Variants in PRKAG2 observed in about 807,000 individuals in gnomAD.
The protein encoded by PRKAG2 is protein kinase AMP-activated non-catalytic subunit gamma 2.
In PRKAG2, 26 loss-of-function variants were observed where a neutral mutation model predicts 69.6. The ratio of observed to expected loss-of-function variants is 0.37; its 90% CI spans 0.27 to 0.52. The LOEUF (loss-of-function observed/expected upper bound fraction) is 0.52. Ranked by LOEUF, PRKAG2 falls within the 20% of genes least tolerant of loss-of-function variation. The pLI, the probability that PRKAG2 is intolerant of heterozygous loss-of-function variation, is 0.90. For synonymous variants in PRKAG2, 293 were observed against 285.0 expected, an observed-to-expected ratio of 1.03 and a Z score of -0.28; for missense variants, 557 against 740.0, an observed-to-expected ratio of 0.75 and a Z score of 2.87.
At chr7:151,838,706 C>CA (rs57382424) in intron 1 of PRKAG2, among the ~76,000 whole-genome samples, 3,109 of 92,156 alleles carry the variant, frequency 0.034, 106 homozygotes, top group African/African-American at 0.11. Context: ...GACCCTGTTT[C>CA]AAAAAAAAAA....
chr7:151,794,714 G>T (rs926649732), intron 1 of PRKAG2, among the ~76,000 whole-genome samples: 3 of 152,258 alleles, frequency 2.0e-5, no homozygotes, highest in Non-Finnish European at 4.4e-5. Flanking sequence ...TATAATTAGA[G>T]AGCTGTCTTT....
intron 1 of PRKAG2, among the ~76,000 whole-genome samples, chr7:151,849,689 C>G (rs1160278237): frequency 6.6e-6 from 1 of 152,128 alleles, no homozygotes; most frequent in African/African-American, 2.4e-5. Flanking sequence ...CCTGGGGATC[C>G]TTGGTAGCCA....
chr7:151,744,379 G>C (rs1055922161), intron 3 of PRKAG2, among the ~76,000 whole-genome samples: 1 of 152,078 alleles, frequency 6.6e-6, no homozygotes, highest in African/African-American at 2.4e-5. Flanking sequence ...CTGGGTCTCC[G>C]TTGTAGACAC....
At chr7:151,696,686 T>C (rs904576827) in intron 3 of PRKAG2, among the ~76,000 whole-genome samples, 2 of 152,236 alleles carry the variant, frequency 1.3e-5, no homozygotes, top group African/African-American at 4.8e-5. Flanking sequence ...TTGAAGCCCC[T>C]GTCTGAAAAG....
At chr7:151,770,655 T>C (rs1368418909) in intron 3 of PRKAG2, among the ~76,000 whole-genome samples, 1 of 152,088 alleles carries the variant, frequency 6.6e-6, no homozygotes, top group Non-Finnish European at 1.5e-5. Flanking sequence ...CTGGGAGGAG[T>C]GAGGGCTCTG....
At chr7:151,603,513 A>C (rs2727571) in intron 5 of PRKAG2, among the ~76,000 whole-genome samples, 4 of 89,326 alleles carry the variant, frequency 4.5e-5, no homozygotes, top group South Asian at 5.0e-4. Flanking sequence ...ACGGAGGGAC[A>C]CGCTCCGTCC....
At chr7:151,582,578 C>T (rs1307336039) in intron 6 of PRKAG2, among the ~76,000 whole-genome samples, 5 of 152,190 alleles carry the variant, frequency 3.3e-5, no homozygotes, top group Non-Finnish European at 5.9e-5. Flanking sequence ...CCAAGGCTCA[C>T]GGAAGCACGT....
At chr7:151,566,223 T>A (rs923036855) in intron 11 of PRKAG2, among the ~76,000 whole-genome samples, 2 of 152,252 alleles carry the variant, frequency 1.3e-5, no homozygotes, top group Non-Finnish European at 2.9e-5. Context: ...CCACGAAGAA[T>A]TGAATCCTTT....
At chr7:151,617,118 G>A (rs933024255) in intron 5 of PRKAG2, among the ~76,000 whole-genome samples, 4 of 151,832 alleles carry the variant, frequency 2.6e-5, no homozygotes, top group African/African-American at 7.3e-5. Context: ...AAAATTAGCC[G>A]GGCTTGGTGG....
chr7:151,834,230 A>G (rs1370686187), intron 1 of PRKAG2, among the ~76,000 whole-genome samples: 1 of 152,224 alleles, frequency 6.6e-6, no homozygotes, highest in Admixed American at 6.5e-5. Context: ...TTTGGTGATC[A>G]TGATTTGTCT....
intron 3 of PRKAG2, among the ~76,000 whole-genome samples, chr7:151,762,247 C>A (rs1290346822): frequency 1.3e-5 from 2 of 152,168 alleles, no homozygotes; most frequent in African/African-American, 2.4e-5. Flanking sequence ...CAGCAGGATC[C>A]CCTACACGCA....
intron 1 of PRKAG2, among the ~76,000 whole-genome samples, chr7:151,845,985 G>A (rs1004243923): frequency 2.6e-5 from 4 of 152,278 alleles, no homozygotes; most frequent in African/African-American, 9.6e-5. Context: ...GGGTCTGGAG[G>A]AGCCCTCCTC....
chr7:151,604,473 C>T (rs182969265), intron 5 of PRKAG2, among the ~76,000 whole-genome samples: 3 of 151,086 alleles, frequency 2.0e-5, no homozygotes, highest in Admixed American at 2.0e-4. Context: ...CCCGTTTCTA[C>T]AAAACATAAA....
chr7:151,870,111 T>TGATAGATAGATAGATAGATAGATA (rs57003272), intron 1 of PRKAG2, among the ~76,000 whole-genome samples: 16 of 120,400 alleles, frequency 1.3e-4, no homozygotes, highest in Middle Eastern at 4.2e-3. Flanking sequence ...AAGGTGCAGA[T>TGATAGATAGATAGATAGATAGATA]GATAGATAGA....
At position 151,614,283 on chromosome 7, in the gene PRKAG2, A is replaced by G. The variant is rs990038402; in HGVS notation, c.754+17786T>C. 4.6e-5 allele frequency among the ~76,000 whole-genome samples: 7 copies of G among 152,040 alleles called. No individual in the cohort carries two copies. Among genetic ancestry groups the G allele is most frequent in the Non-Finnish European group, 7.4e-5 (5 of 67,988 alleles). On this transcript the variant is annotated intron_variant, in intron 5 of 15. Coordinates refer to ENST00000287878, the MANE Select transcript of PRKAG2 (RefSeq NM_016203.4). This position sits in a 1 kb window ranked among gnomAD's most constrained non-coding sequence, Gnocchi z 4.4. ...GTATCCTCAGGAGCTCGCAGGGGACATGGGGCAGGGGCTGGCACCCCATGG... is the reference window on the plus strand; with the variant it reads ...GTATCCTCAGGAGCTCGCAGGGGACGTGGGGCAGGGGCTGGCACCCCATGG...
chr7:151,769,589 G>A (rs927539260), intron 3 of PRKAG2, among the ~76,000 whole-genome samples: 1 of 152,218 alleles, frequency 6.6e-6, no homozygotes, highest in Admixed American at 6.5e-5. Context: ...GAGGGAGCAT[G>A]GTCCTGCTGA....
intron 1 of PRKAG2, among the ~76,000 whole-genome samples, chr7:151,857,575 G>A (rs564867563): frequency 6.6e-6 from 1 of 152,288 alleles, no homozygotes; most frequent in South Asian, 2.1e-4. Flanking sequence ...AGACGGCTCC[G>A]GCTTGATGCC....
chr7:151,806,147 C>T (rs2078089845), intron 1 of PRKAG2, among the ~76,000 whole-genome samples: 1 of 152,222 alleles, frequency 6.6e-6, no homozygotes, highest in Non-Finnish European at 1.5e-5. Flanking sequence ...CAGGATCCCA[C>T]CACTGCACCC....
chr7:151,805,059 A>T (rs954435238), intron 1 of PRKAG2, among the ~76,000 whole-genome samples: 1 of 152,154 alleles, frequency 6.6e-6, no homozygotes, highest in Non-Finnish European at 1.5e-5. Flanking sequence ...CCCTGCATAC[A>T]TGTGCTGTCT....
Sources: gnomAD v4.1 joint callset for allele counts (sites outside exome capture counted in the v4.1 genomes callset) on GRCh38, gnomAD v4.1.1 for gene constraint, Gnocchi (gnomAD v3.1) non-coding constraint, MANE v1.5 for transcripts, NCBI Gene and HGNC (gene_info 2026-07-23, HGNC 2026-07-21) for gene names.